Variants in PTPRT observed in about 807,000 individuals in gnomAD.
PTPRT encodes the protein receptor-type tyrosine-protein phosphatase T.
In PTPRT, 56 loss-of-function variants were observed where a neutral mutation model predicts 176.8. That is an observed-to-expected ratio of 0.32 (90% confidence interval 0.26 to 0.40). The LOEUF is 0.40. Among genes scored for constraint, PTPRT ranks in the 10% least tolerant of loss-of-function variants. The pLI is 1.00. For synonymous variants in PTPRT, 783 were observed against 739.0 expected (o/e 1.06, Z -0.96); for missense variants, 1,540 against 1,908.2 (o/e 0.81, Z 3.60).
In PTPRT at chr20:42,271,222, C is replaced by G. The variant is rs189653237; in HGVS notation, c.2176+11267G>C. ...ACTGCCCACCCTGTCCCAAGCATGA[C>G]AACAGCTTTCCATTATCAACAGCCC... On this transcript the variant is annotated intron_variant, in intron 13 of 30. Coordinates refer to ENST00000373187, the MANE Select transcript of PTPRT (RefSeq NM_007050.6). 9.8e-5 allele frequency among the ~76,000 whole-genome samples: 15 copies of G among 152,330 alleles called. No individual in the cohort carries two copies. The East Asian group carries it at 2.9e-3, about 29-fold the overall frequency.
chr20:43,005,768 C>T (rs1191881048), intron 1 of PTPRT, among the ~76,000 whole-genome samples: 1 of 152,116 alleles, frequency 6.6e-6, no homozygotes, highest in East Asian at 1.9e-4. Flanking sequence ...ATTTGGACAG[C>T]AGATCAAAAA....
chr20:42,212,206 G>A (rs1286303599), intron 15 of PTPRT, among the ~76,000 whole-genome samples: 2 of 145,156 alleles, frequency 1.4e-5, no homozygotes, highest in East Asian at 4.1e-4. Context: ...TAGATGACGA[G>A]TTAGTGGGTG....
chr20:42,485,853 C>T (rs1415842999), intron 7 of PTPRT, among the ~76,000 whole-genome samples: 1 of 152,188 alleles, frequency 6.6e-6, no homozygotes, highest in Non-Finnish European at 1.5e-5. Context: ...TGTCATTAAA[C>T]TGAAGGAACA....
chr20:42,073,188 G>C lies in PTPRT; in HGVS notation c.*7691C>G. The C allele has an allele frequency of 5.2e-6, 1 of 191,972 alleles. No individual in the cohort carries two copies. The allele number at this position is 191,972 out of a possible 1,614,324, so 11.9% of individuals were successfully genotyped here. A position where few individuals can be genotyped will look rare whatever the true frequency, so the allele number is the denominator to read the frequency against. On this transcript the variant is annotated 3_prime_UTR_variant, in exon 31 of 31. Coordinates refer to ENST00000373187, the MANE Select transcript of PTPRT (RefSeq NM_007050.6). ...TGAAGATGTCAGCCTCCCTGGAGTT[G>C]AGCGGGAACCTTGGGATAGCTTGTG...
intron 7 of PTPRT, among the ~76,000 whole-genome samples, chr20:42,629,746 G>A (rs960952004): frequency 6.6e-6 from 1 of 152,202 alleles, no homozygotes; most frequent in Admixed American, 6.5e-5. Flanking sequence ...CTAAAGAACA[G>A]GGAGAAGATC....
chr20:42,796,852 C>T (rs2077462387), intron 2 of PTPRT, among the ~76,000 whole-genome samples: 1 of 152,216 alleles, frequency 6.6e-6, no homozygotes, highest in South Asian at 2.1e-4. Context: ...ACCCAAGATA[C>T]ATCTCTTCTC....
intron 3 of PTPRT, among the ~76,000 whole-genome samples, chr20:42,783,989 G>A (rs779513975): frequency 9.2e-5 from 14 of 152,228 alleles, no homozygotes; most frequent in Non-Finnish European, 1.6e-4. Flanking sequence ...GAATTCCAAC[G>A]TCTCTGTAGA....
intron 7 of PTPRT, among the ~76,000 whole-genome samples, chr20:42,666,585 T>C (rs1318152903): frequency 1.3e-5 from 2 of 152,210 alleles, no homozygotes; most frequent in Non-Finnish European, 2.9e-5. Context: ...ATTAGAACTG[T>C]ATTAAACCCA....
chr20:42,298,020 C>A (rs1400120178), intron 12 of PTPRT, among the ~76,000 whole-genome samples: 1 of 152,064 alleles, frequency 6.6e-6, no homozygotes, highest in Non-Finnish European at 1.5e-5. Flanking sequence ...AAAAATGATT[C>A]ATCTGACAAC....
chr20:43,099,915 T>C (rs1360882267), intron 1 of PTPRT, among the ~76,000 whole-genome samples: 8 of 152,136 alleles, frequency 5.3e-5, no homozygotes, highest in Admixed American at 5.2e-4. Context: ...GGAACCAGGG[T>C]ACACTTGCCT....
At chr20:42,284,771 T>G (rs1490782767) in intron 12 of PTPRT, among the ~76,000 whole-genome samples, 2 of 151,886 alleles carry the variant, frequency 1.3e-5, no homozygotes, top group Non-Finnish European at 2.9e-5. Context: ...TTCTTCTTCA[T>G]AAAAACTATA....
At chr20:42,249,597 A>G (rs2056516037) in intron 13 of PTPRT, among the ~76,000 whole-genome samples, 1 of 152,196 alleles carries the variant, frequency 6.6e-6, no homozygotes, top group Admixed American at 6.5e-5. Flanking sequence ...CATTTTATAG[A>G]TGAGAAAACC....
At chr20:42,225,783 T>C (rs2055994653) in intron 15 of PTPRT, among the ~76,000 whole-genome samples, 1 of 152,094 alleles carries the variant, frequency 6.6e-6, no homozygotes, top group Non-Finnish European at 1.5e-5. Flanking sequence ...CTCCTGAGTA[T>C]CTGGGACTGG....
chr20:43,066,283 T>C (rs1320903220), intron 1 of PTPRT, among the ~76,000 whole-genome samples: 2 of 152,212 alleles, frequency 1.3e-5, no homozygotes, highest in Non-Finnish European at 2.9e-5. Context: ...TAAATGTGTC[T>C]TCATTTGTCC....
At chr20:42,466,828 T>A (rs998265013) in intron 8 of PTPRT, among the ~76,000 whole-genome samples, 2 of 151,966 alleles carry the variant, frequency 1.3e-5, no homozygotes, top group Non-Finnish European at 2.9e-5. Context: ...CAACCACAAA[T>A]CCCTAATAAG....
At chr20:42,768,349 CA>C (rs905725872) in intron 5 of PTPRT, among the ~76,000 whole-genome samples, 29 of 152,184 alleles carry the variant, frequency 1.9e-4, no homozygotes, top group African/African-American at 6.5e-4. Context: ...TGCTTTCTCA[CA>C]GCCATCATGA....
rs746084382 is a variant in PTPRT, at chr20:42,648,820, G to GTTTTTTTTTTTGTTTTTTTTTTTTTTTT, written c.1153+29045_1153+29046insAAAAAAAAAAAAAAAACAAAAAAAAAAA. Among the ~76,000 whole-genome samples the GTTTTTTTTTTTGTTTTTTTTTTTTTTTT allele has an allele frequency of 3.2e-4, 36 of 111,838 alleles. 2 individuals are homozygous for GTTTTTTTTTTTGTTTTTTTTTTTTTTTT. Among genetic ancestry groups the GTTTTTTTTTTTGTTTTTTTTTTTTTTTT allele is most frequent in the African/African-American group, 1.3e-3 (35 of 26,882 alleles). The allele number at this position is 111,838 out of a possible 152,430, so 73.4% of individuals were successfully genotyped here. ...GGGGATTTTTTTTTTTGGTGTCGTT[G>GTTTTTTTTTTTGTTTTTTTTTTTTTTTT]TTTTTTTTTTTTTTTTTTGACAGAG... On this transcript the variant is annotated intron_variant, in intron 7 of 30. Coordinates refer to ENST00000373187, the MANE Select transcript of PTPRT (RefSeq NM_007050.6).
intron 7 of PTPRT, among the ~76,000 whole-genome samples, chr20:42,492,364 C>G (rs1292279620): frequency 6.6e-6 from 1 of 152,178 alleles, no homozygotes; most frequent in Non-Finnish European, 1.5e-5. Context: ...GCTATCACTA[C>G]TTTTTATATG....
intron 17 of PTPRT, among the ~76,000 whole-genome samples, chr20:42,143,909 C>T (rs78686989): frequency 0.026 from 3,926 of 152,286 alleles, 64 homozygotes; most frequent in African/African-American, 0.037. Flanking sequence ...GGGGTTGGCA[C>T]AAAGTTGGGG....
Sources: allele counts gnomAD v4.1 joint callset (sites outside exome capture counted in the v4.1 genomes callset), GRCh38; gene constraint gnomAD v4.1.1; transcripts MANE v1.5; gene names NCBI Gene and HGNC (gene_info 2026-07-23, HGNC 2026-07-21).